The following ZFYVE9 variants were observed in gnomAD, a reference collection of about 807,000 sequenced individuals.
The protein encoded by ZFYVE9 is zinc finger FYVE domain-containing protein 9.
ZFYVE9 carries 43 observed loss-of-function variants against 126.7 expected under a neutral mutation model. The ratio of observed to expected loss-of-function variants is 0.34; its 90% CI spans 0.27 to 0.44. The LOEUF (loss-of-function observed/expected upper bound fraction) is 0.44, where lower values mean the gene tolerates loss of function less well. Ranked by LOEUF, ZFYVE9 falls within the 20% of genes least tolerant of loss-of-function variation. The pLI, the probability that ZFYVE9 is intolerant of heterozygous loss-of-function variation, is 1.00. For synonymous variants in ZFYVE9, 521 were observed against 597.4 expected, an observed-to-expected ratio of 0.87 and a Z score of 1.87; for missense variants, 1,476 against 1,697.0, an observed-to-expected ratio of 0.87 and a Z score of 2.29.
Position 52,237,939 on chromosome 1 carries a change from TC to T in ZFYVE9, c.523del (p.Gln175AsnfsTer25). ...DLQDCNNYNS[Q>X]SLMDAFSCSL... is the part of the protein sequence containing the mutation. ...TACAGGATTGTAATAATTATAATAGTCAATCCCTTATGGATGCTTTTAGCTG... is the reference window on the plus strand; with the variant it reads ...TACAGGATTGTAATAATTATAATAGTAATCCCTTATGGATGCTTTTAGCTG... On this transcript the variant is annotated frameshift_variant, in exon 4 of 19. Coordinates refer to ENST00000287727, the MANE Select transcript of ZFYVE9 (RefSeq NM_004799.4). LOFTEE classifies it high-confidence loss of function. 6.2e-7 allele frequency: 1 copy of T among 1,614,028 alleles called. No individual in the cohort carries two copies. The highest frequency in any genetic ancestry group is 8.5e-7 in the Non-Finnish European group (1 of 1,179,944).
chr1:52,270,711 T>C (rs1018178290), intron 7 of ZFYVE9, among the ~76,000 whole-genome samples: 2 of 152,154 alleles, frequency 1.3e-5, no homozygotes, highest in African/African-American at 4.8e-5. Context: ...TGAATAGTTC[T>C]CTCTCTTTTT....
intron 1 of ZFYVE9, among the ~76,000 whole-genome samples, chr1:52,195,932 A>G (rs1290274717): frequency 6.6e-6 from 1 of 152,038 alleles, no homozygotes; most frequent in Non-Finnish European, 1.5e-5. Flanking sequence ...AGCCGGGACT[A>G]TAGGTTCGCG....
chr1:52,166,052 C>G (rs546004875), intron 1 of ZFYVE9, among the ~76,000 whole-genome samples: 1 of 152,208 alleles, frequency 6.6e-6, no homozygotes, highest in East Asian at 1.9e-4. Context: ...AGTAGAAGTG[C>G]CTTCTTCATA....
intron 1 of ZFYVE9, among the ~76,000 whole-genome samples, chr1:52,193,428 C>T (rs1247771509): frequency 2.7e-5 from 4 of 146,878 alleles, no homozygotes; most frequent in East Asian, 4.0e-4. Flanking sequence ...TACACATGGC[C>T]GGGTGTGGTG....
At chr1:52,326,827 C>T (rs1485441306) in intron 13 of ZFYVE9, among the ~76,000 whole-genome samples, 2 of 151,920 alleles carry the variant, frequency 1.3e-5, no homozygotes, top group Non-Finnish European at 2.9e-5. Context: ...CAAGACTGCA[C>T]CATTGCACTC....
At chr1:52,297,658 C>T (rs149447956) in intron 12 of ZFYVE9, among the ~76,000 whole-genome samples, 38 of 151,962 alleles carry the variant, frequency 2.5e-4, no homozygotes, top group African/African-American at 8.4e-4. Context: ...GTGATTTCCT[C>T]CCTCTGTGAT....
chr1:52,160,701 A>C (rs1644450177), intron 1 of ZFYVE9: 2 of 477,240 alleles, frequency 4.2e-6, no homozygotes, highest in South Asian at 9.0e-5. Flanking sequence ...GGCGTGAGCC[A>C]CTGTGCCCGG....
At chr1:52,215,914 A>C (rs1202305862) in intron 1 of ZFYVE9, among the ~76,000 whole-genome samples, 1 of 152,238 alleles carries the variant, frequency 6.6e-6, no homozygotes, top group East Asian at 1.9e-4. Flanking sequence ...ACAGTTTGGC[A>C]ATAAAAATCA....
intron 4 of ZFYVE9, among the ~76,000 whole-genome samples, chr1:52,245,728 TG>T (rs1169623057): frequency 6.6e-6 from 1 of 152,220 alleles, no homozygotes; most frequent in Non-Finnish European, 1.5e-5. Context: ...CTGGTAAACC[TG>T]TGTGATAGTT....
chr1:52,147,496 C>T (rs754860121), intron 1 of ZFYVE9, among the ~76,000 whole-genome samples: 12 of 152,126 alleles, frequency 7.9e-5, no homozygotes, highest in Non-Finnish European at 1.5e-4. Flanking sequence ...TGGAATCATA[C>T]GATATATGAC....
rs1025093766 is a variant in ZFYVE9, at chr1:52,237,577, G to A, written c.160G>A (p.Ala54Thr). 1 of 1,613,924 alleles carries A rather than the reference G, an allele frequency of 6.2e-7. No individual in the cohort carries two copies. The highest frequency in any genetic ancestry group is 8.5e-7 in the Non-Finnish European group (1 of 1,179,920). ...CCGGCTGTCATTTAACCCTACTTTG[G>A]CCAGTGTGAATGAATCTGCAGTTTC... Reference protein sequence around the residue: ...SHRLSFNPTLASVNESAVSNE... With the variant: ...SHRLSFNPTLTSVNESAVSNE... The change falls in exon 4 of 19, where the codon GCC becomes ACC. Residue 54 changes from alanine (A) to threonine (T), a missense_variant. Physicochemically the swap from Ala to Thr is moderately conservative, Grantham distance 58. Around this residue, in one of 2 missense-constraint regions of ZFYVE9, gnomAD observed 807 missense variants for 794.6 expected, o/e 1.02. Transcript: ENST00000287727.
At chr1:52,248,041 G>A (rs555915744) in intron 4 of ZFYVE9, among the ~76,000 whole-genome samples, 1 of 152,226 alleles carries the variant, frequency 6.6e-6, no homozygotes, top group African/African-American at 2.4e-5. Context: ...TAATAGGTAG[G>A]ATATATGTAT....
At chr1:52,311,085 T>C (rs1408194944) in intron 13 of ZFYVE9, among the ~76,000 whole-genome samples, 2 of 152,124 alleles carry the variant, frequency 1.3e-5, no homozygotes, top group Non-Finnish European at 1.5e-5. Flanking sequence ...AGGTTGGTCT[T>C]GAACTCTTGA....
chr1:52,219,749 TTGTGTGTGTGTGTGTGTGTG>T (rs56340178), intron 2 of ZFYVE9, among the ~76,000 whole-genome samples: 58 of 113,344 alleles, frequency 5.1e-4, no homozygotes, highest in Non-Finnish European at 7.7e-4. Context: ...CCAAGATCTT[TTGTGTGTGTGTGTGTGTGTG>T]TGTGTGTGTG....
rs541161175 is a variant in ZFYVE9, at chr1:52,236,026, G to A, written c.71-1462G>A. On this transcript the variant is annotated intron_variant, in intron 3 of 18. Transcript: ENST00000287727. ...AATTGGCTTCTTTATACAGTGAGTT[G>A]TTTTGCTTATAATTGCAGTTTCCAA... is the stretch of plus-strand genomic sequence containing the variant. Among the ~76,000 whole-genome samples the A allele has an allele frequency of 3.9e-5, 6 of 152,202 alleles. No individual in the cohort carries two copies. The East Asian group carries it at 1.2e-3, about 29-fold the overall frequency.
chr1:52,161,324 C>G (rs1644456826), intron 1 of ZFYVE9, among the ~76,000 whole-genome samples: 1 of 152,180 alleles, frequency 6.6e-6, no homozygotes, highest in African/African-American at 2.4e-5. Flanking sequence ...GAGTCTTGCT[C>G]TATCACCCAG....
chr1:52,166,335 C>T (rs553283726), intron 1 of ZFYVE9, among the ~76,000 whole-genome samples: 4 of 152,240 alleles, frequency 2.6e-5, no homozygotes, highest in East Asian at 1.9e-4. Context: ...TGTGGATTCC[C>T]GCGAGTCTGT....
chr1:52,225,706 C>T (rs1200888274), intron 2 of ZFYVE9, among the ~76,000 whole-genome samples: 1 of 152,034 alleles, frequency 6.6e-6, no homozygotes, highest in African/African-American at 2.4e-5. Flanking sequence ...AACTTATGAC[C>T]AGGAAGTTGA....
chr1:52,188,215 C>G (rs183835881), intron 1 of ZFYVE9, among the ~76,000 whole-genome samples: 1 of 67,132 alleles, frequency 1.5e-5, no homozygotes, highest in African/African-American at 6.1e-5. Flanking sequence ...ACTTAGGAAA[C>G]TAATGCAGGA....
Sources: gnomAD v4.1 joint callset for allele counts (sites outside exome capture counted in the v4.1 genomes callset) on GRCh38, gnomAD v4.1.1 for gene constraint, gnomAD v4.1.1 regional missense constraint, MANE v1.5 for transcripts, NCBI Gene and HGNC (gene_info 2026-07-23, HGNC 2026-07-21) for gene names.